The following COMMD1 variants were observed in gnomAD, a reference collection of about 807,000 sequenced individuals.
COMMD1 encodes COMM domain-containing protein 1.
Under a neutral mutation model 17.2 loss-of-function variants are expected in COMMD1, and 10 were observed. The ratio of observed to expected loss-of-function variants is 0.58; its 90% CI spans 0.36 to 0.99. The LOEUF (loss-of-function observed/expected upper bound fraction) is 0.99, where lower values mean the gene tolerates loss of function less well. COMMD1 is among the 50% of genes least tolerant of loss of function. The pLI, the probability that COMMD1 is intolerant of heterozygous loss-of-function variation, is 0.01. For missense variants in COMMD1, 270 were observed against 231.8 expected, an observed-to-expected ratio of 1.17 and a Z score of -1.07; for synonymous variants, 97 against 91.6, an observed-to-expected ratio of 1.06 and a Z score of -0.34.
chr2:62,037,582 G>A (rs1477036653), intron 2 of COMMD1, among the ~76,000 whole-genome samples: 1 of 152,090 alleles, frequency 6.6e-6, no homozygotes, highest in Non-Finnish European at 1.5e-5. Context: ...GGATTTCCTT[G>A]GGCAATTAGG....
intron 2 of COMMD1, among the ~76,000 whole-genome samples, chr2:62,021,568 C>T (rs1246168152): frequency 2.0e-5 from 3 of 152,130 alleles, no homozygotes; most frequent in African/African-American, 7.2e-5. Context: ...GCCTGGCCTC[C>T]TCACTTTCTT....
chr2:61,905,993 C>T lies in COMMD1; in HGVS notation c.180+135C>T, dbSNP rs2105170248. The stretch of plus-strand genomic sequence containing the variant: ...CTCTCAGACCTCCACTCCGTGGGCT[C>T]CACATCGGGCTCCTTCAGATTTGCT... On this transcript the variant is annotated intron_variant, in intron 1 of 2. Transcript: ENST00000311832. 4.9e-6 allele frequency: 4 copies of T among 824,464 alleles called. No homozygotes were observed. In the South Asian group the frequency reaches 5.8e-5, roughly 12 times the overall value. The allele number at this position is 824,464 out of a possible 1,614,324, so 51.1% of individuals were successfully genotyped here. A position where few individuals can be genotyped will look rare whatever the true frequency, so the allele number is the denominator to read the frequency against.
chr2:61,990,233 G>A (rs919965167), intron 1 of COMMD1, among the ~76,000 whole-genome samples: 4 of 152,186 alleles, frequency 2.6e-5, no homozygotes, highest in African/African-American at 9.7e-5. Context: ...GAGAAATGAA[G>A]CTAGAGAAGG....
At chr2:61,974,664 T>C (rs1671743754) in intron 1 of COMMD1, among the ~76,000 whole-genome samples, 2 of 132,396 alleles carry the variant, frequency 1.5e-5, no homozygotes, top group South Asian at 2.4e-4. Flanking sequence ...AGAGCGAGAC[T>C]CCATCTCAAA....
intron 2 of COMMD1, among the ~76,000 whole-genome samples, chr2:62,132,111 A>T (rs1673055010): frequency 1.4e-5 from 2 of 145,530 alleles, no homozygotes; most frequent in African/African-American, 5.1e-5. Flanking sequence ...CTAGTCTCGA[A>T]CTCCTGACCT....
At chr2:62,106,871 G>T (rs1672337839) in intron 2 of COMMD1, among the ~76,000 whole-genome samples, 1 of 152,184 alleles carries the variant, frequency 6.6e-6, no homozygotes, top group Non-Finnish European at 1.5e-5. Flanking sequence ...AACAAAGGAA[G>T]GGTGGAGAAA....
chr2:61,962,973 C>T (rs950009492), intron 1 of COMMD1, among the ~76,000 whole-genome samples: 2 of 151,934 alleles, frequency 1.3e-5, no homozygotes, highest in Admixed American at 6.6e-5. Flanking sequence ...CCAGCCTGGC[C>T]AACATGGTGA....
rs531171562 is a variant in COMMD1, at chr2:61,932,610, G to A, written c.180+26752G>A. Among the ~76,000 whole-genome samples, 5 of 152,212 alleles carry A rather than the reference G, an allele frequency of 3.3e-5. No homozygotes were observed. In the South Asian group the frequency reaches 6.2e-4, roughly 19 times the overall value. On this transcript the variant is annotated intron_variant, in intron 1 of 2. Transcript: ENST00000311832. The stretch of plus-strand genomic sequence containing the variant: ...AATCCCCAGATTTATGTGTTGATTG[G>A]TGGTGGGGTCTTTGGGAGGTAATTA...
At chr2:61,984,784 G>T (rs898873857) in intron 1 of COMMD1, among the ~76,000 whole-genome samples, 7 of 152,134 alleles carry the variant, frequency 4.6e-5, no homozygotes, top group African/African-American at 1.7e-4. Flanking sequence ...TTGTATTGGG[G>T]TCTGTCTCTT....
At chr2:62,017,418 A>G (rs1386237731) in intron 2 of COMMD1, among the ~76,000 whole-genome samples, 1 of 152,210 alleles carries the variant, frequency 6.6e-6, no homozygotes, top group African/African-American at 2.4e-5. Context: ...CTCTTATGCT[A>G]ACACTTTGAG....
At chr2:61,967,573 T>G (rs1168430807) in intron 1 of COMMD1, among the ~76,000 whole-genome samples, 2 of 152,202 alleles carry the variant, frequency 1.3e-5, no homozygotes, top group African/African-American at 4.8e-5. Flanking sequence ...TTTGAAGGAT[T>G]GGGACAGGGC....
At chr2:62,102,717 G>C (rs1672220921) in intron 2 of COMMD1, among the ~76,000 whole-genome samples, 1 of 152,114 alleles carries the variant, frequency 6.6e-6, no homozygotes, top group Non-Finnish European at 1.5e-5. Context: ...TAAAACCTAA[G>C]AGTATTACTC....
At chr2:61,914,131 C>T (rs1259841709) in intron 1 of COMMD1, among the ~76,000 whole-genome samples, 1 of 151,636 alleles carries the variant, frequency 6.6e-6, no homozygotes, top group Non-Finnish European at 1.5e-5. Context: ...GAGATTGCGC[C>T]ACTGCACTCC....
intron 2 of COMMD1, among the ~76,000 whole-genome samples, chr2:62,068,648 C>T (rs960902688): frequency 3.8e-5 from 5 of 130,544 alleles, no homozygotes; most frequent in East Asian, 2.2e-4. Flanking sequence ...TTTTTTTGAC[C>T]GAGTCTCACT....
At chr2:61,965,099 CTTT>C (rs1671472342) in intron 1 of COMMD1, among the ~76,000 whole-genome samples, 1 of 152,032 alleles carries the variant, frequency 6.6e-6, no homozygotes, top group African/African-American at 2.4e-5. Flanking sequence ...TGTTACCTGA[CTTT>C]TATGTTTTTA....
intron 1 of COMMD1, among the ~76,000 whole-genome samples, chr2:61,939,807 CA>C (rs1248396872): frequency 2.6e-5 from 4 of 152,166 alleles, no homozygotes; most frequent in Non-Finnish European, 5.9e-5. Flanking sequence ...TTGTTCACCT[CA>C]GAACTGCCAT....
intron 2 of COMMD1, among the ~76,000 whole-genome samples, chr2:62,006,124 T>C (rs1343752437): frequency 7.1e-6 from 1 of 140,690 alleles, no homozygotes; most frequent in African/African-American, 2.7e-5. Flanking sequence ...ATGTTCTCAC[T>C]CATAGGTGGG....
intron 2 of COMMD1, among the ~76,000 whole-genome samples, chr2:62,050,465 G>T (rs950733669): frequency 9.2e-5 from 14 of 152,238 alleles, no homozygotes; most frequent in African/African-American, 3.1e-4. Flanking sequence ...TTAAAACACT[G>T]TATGCATTAT....
intron 2 of COMMD1, among the ~76,000 whole-genome samples, chr2:62,003,880 T>G (rs552624915): frequency 6.6e-6 from 1 of 152,256 alleles, no homozygotes; most frequent in East Asian, 1.9e-4. Context: ...GTAATCTCAG[T>G]ACTTTGGGAA....
Sources: gnomAD v4.1 joint callset for allele counts (sites outside exome capture counted in the v4.1 genomes callset) on GRCh38, gnomAD v4.1.1 for gene constraint, MANE v1.5 for transcripts, NCBI Gene and HGNC (gene_info 2026-07-23, HGNC 2026-07-21) for gene names.